CDK16: variants seen among roughly 807,000 people sequenced by gnomAD.
CDK16 encodes the protein cyclin dependent kinase 16.
Under a neutral mutation model 41.6 loss-of-function variants are expected in CDK16, and 2 were observed. The ratio of observed to expected loss-of-function variants is 0.05; its 90% CI spans 0.02 to 0.15. The LOEUF (loss-of-function observed/expected upper bound fraction) is 0.15. Among genes scored for constraint, CDK16 ranks in the 10% least tolerant of loss-of-function variants. CDK16 has a pLI of 1.00. For missense variants in CDK16, 228 were observed against 428.9 expected (o/e 0.53, Z 4.14); for synonymous variants, 169 against 169.7 (o/e 1.00, Z 0.03).
At chrX:47,228,214 A>G (rs1315384554) in intron 14 of CDK16, 4 of 164,200 alleles carry the variant, frequency 2.4e-5, no homozygotes, top group Non-Finnish European at 4.6e-5. Context: ...TTTTAAAACA[A>G]CAATATTATT....
Position 47,219,024 on chromosome X carries a change from C to A in CDK16, c.-88C>A. 1 of 849,579 alleles carries A rather than the reference C, an allele frequency of 1.2e-6. No homozygotes were observed. Among genetic ancestry groups the A allele is most frequent in the South Asian group, 3.6e-5 (1 of 28,046 alleles). 70.0% of individuals were successfully genotyped at this position (849,579 alleles called of 1,213,427 possible). A position where few individuals can be genotyped will look rare whatever the true frequency, so the allele number is the denominator to read the frequency against. ...GCGGCGAACAGGAGGAGAAGGAGGT[C>A]GCGCGGCCTCATCCCGGGCCGCCGC... On this transcript the variant is annotated 5_prime_UTR_variant, in exon 1 of 16. Transcript: ENST00000357227.
Position 47,227,427 on chromosome X carries a change from T to G in CDK16, c.1333T>G (p.Phe445Val). 8.3e-7 allele frequency: 1 copy of G among 1,210,466 alleles called. No homozygotes were observed. Among genetic ancestry groups the G allele is most frequent in the Non-Finnish European group, 1.1e-6 (1 of 894,533 alleles). ...CGCAGAGGATGCCATGAAACATCCATTCTTCCTCAGTCTGGGGGAGCGGAT... is the reference window on the plus strand; with the variant it reads ...CGCAGAGGATGCCATGAAACATCCAGTCTTCCTCAGTCTGGGGGAGCGGAT... ...ISAEDAMKHP[F>V]FLSLGERIHK... Residue 445 changes from phenylalanine (F) to valine (V), a missense_variant, in exon 14 of 16, where the codon TTC becomes GTC. Transcript: ENST00000357227.
chrX:47,222,423 A>G (rs1229050519), intron 1 of CDK16: 1 of 110,373 alleles, frequency 9.1e-6, no homozygotes, highest in East Asian at 2.8e-4. Context: ...TGCTGGGGGG[A>G]TAACTGGCAA....
At chrX:47,218,639 G>A (rs782777311), upstream of CDK16, 5 of 1,164,225 alleles carry the variant, frequency 4.3e-6, no homozygotes, top group African/African-American at 7.2e-5. Flanking sequence ...CGCTGCGGAC[G>A]GGTCCTTTGG....
chrX:47,218,519 T>C, upstream of CDK16: 1 of 993,298 alleles, frequency 1.0e-6, no homozygotes, highest in Non-Finnish European at 1.3e-6. Context: ...GCTAGCAAAC[T>C]TCTGCCAAGA....
intron 1 of CDK16, chrX:47,222,889 C>T: frequency 3.1e-6 from 1 of 322,568 alleles, no homozygotes; most frequent in Non-Finnish European, 5.0e-6. Flanking sequence ...ACACTGAGAC[C>T]CCCCCGCCCT....
At chrX:47,224,307 AAT>A (rs1465065778) in intron 2 of CDK16, 76 bp from the exon 3 acceptor site, 2 of 1,047,601 alleles carry the variant, frequency 1.9e-6, no homozygotes, top group African/African-American at 3.8e-5. Flanking sequence ...GTGATGATGG[AAT>A]ATGTTTCGTG....
intron 2 of CDK16, 65 bp downstream of exon 2, chrX:47,223,824 G>C (rs901783744): frequency 1.0e-6 from 1 of 985,037 alleles, no homozygotes; most frequent in African/African-American, 1.9e-5. Flanking sequence ...TTGCCTCCTG[G>C]TCACATTCCT....
At position 47,224,983 on chromosome X, in the gene CDK16, TC is replaced by T; in HGVS notation, c.520-3del. 8.3e-7 allele frequency: 1 copy of T among 1,204,849 alleles called. No homozygotes were observed. The highest frequency in any genetic ancestry group is 1.1e-6 in the Non-Finnish European group (1 of 891,018). On this transcript the variant is annotated splice_region_variant and splice_polypyrimidine_tract_variant and intron_variant, in intron 5 of 15. Transcript: ENST00000357227. ...CCTCTCCTGTCACACTTCCTCACATTCCAGGGTACCTATGCCACCGTCTACA... is the reference window on the plus strand; with the variant it reads ...CCTCTCCTGTCACACTTCCTCACATTCAGGGTACCTATGCCACCGTCTACA...
Position 47,218,807 on chromosome X carries a change from C to T in CDK16, c.-305C>T. The T allele has an allele frequency of 1.7e-6, 2 of 1,147,230 alleles. No individual in the cohort carries two copies. Among genetic ancestry groups the T allele is most frequent in the Non-Finnish European group, 2.3e-6 (2 of 867,387 alleles). The allele number at this position is 1,147,230 out of a possible 1,213,427, so 94.5% of individuals were successfully genotyped here. On this transcript the variant is annotated 5_prime_UTR_variant, in exon 1 of 16. Coordinates refer to ENST00000357227, the MANE Select transcript of CDK16 (RefSeq NM_006201.5). ...CGATCAGACCGCTCTGTGCCGCGAG[C>T]CGCCGTGAGCACTCGGATTCAAGCC...
chrX:47,226,713 G>A lies in CDK16; in HGVS notation c.1037+10G>A, dbSNP rs1247345609. Reference sequence around the variant, plus strand: ...CTCAGATTGACATGTGGTAAGGACAGGTGGAAGTGTGGCAGGGGCCATGTG... The same window carrying A: ...CTCAGATTGACATGTGGTAAGGACAAGTGGAAGTGTGGCAGGGGCCATGTG... On this transcript the variant is annotated intron_variant, in intron 10 of 15. Coordinates refer to ENST00000357227, the MANE Select transcript of CDK16 (RefSeq NM_006201.5). The A allele has an allele frequency of 1.7e-6, 2 of 1,204,916 alleles. No homozygotes were observed. Among genetic ancestry groups the A allele is most frequent in the South Asian group, 3.6e-5 (2 of 56,262 alleles).
chrX:47,224,766 C>T lies in CDK16; in HGVS notation c.462+23C>T, dbSNP rs749617674. ...CTAGTAAGCACCTTCTGTTCCCGTC[C>T]TCTCCTTTTTCTTCTCTCCCAGACC... On this transcript the variant is annotated intron_variant, in intron 4 of 15. Transcript: ENST00000357227. The T allele has an allele frequency of 2.4e-5, 29 of 1,209,597 alleles. No homozygotes were observed. In the South Asian group the frequency reaches 4.8e-4, roughly 20 times the overall value.
chrX:47,218,854 A>T lies in CDK16; in HGVS notation c.-258A>T, dbSNP rs1556796264. 8.9e-6 allele frequency: 10 copies of T among 1,121,513 alleles called. No individual in the cohort carries two copies. Among genetic ancestry groups the T allele is most frequent in the Non-Finnish European group, 1.2e-5 (10 of 855,649 alleles). The allele number at this position is 1,121,513 out of a possible 1,213,427, so 92.4% of individuals were successfully genotyped here. On this transcript the variant is annotated 5_prime_UTR_variant, in exon 1 of 16. Coordinates refer to ENST00000357227, the MANE Select transcript of CDK16 (RefSeq NM_006201.5). ...AGCCGGCGCCAACGAGTCCGGGGGC[A>T]TCGCCCGCAGCGGCCAAGCTCATGG...
At chrX:47,218,669 G>A (rs782180619), upstream of CDK16, 41 of 1,168,010 alleles carry the variant, frequency 3.5e-5, no homozygotes, top group Non-Finnish European at 4.7e-5. Flanking sequence ...TCCGAGGTGA[G>A]TCCCCTCCTT....
intron 3 of CDK16, 30 bp from the exon 4 acceptor site, chrX:47,224,588 A>G: frequency 8.3e-7 from 1 of 1,210,680 alleles, no homozygotes; most frequent in Non-Finnish European, 1.1e-6. Flanking sequence ...GGAGCTCATG[A>G]TCCTGTTTCT....
Position 47,223,631 on chromosome X carries a change from A to G in CDK16, c.74A>G (p.Asn25Ser), listed in dbSNP as rs777629546. The change falls in exon 2 of 16, where the codon AAT becomes AGT. Residue 25 changes from asparagine (N) to serine (S), a missense_variant. Physicochemically the swap from Asn to Ser is conservative, Grantham distance 46. This residue lies in a region of CDK16 where 71 missense variants were observed against 102.2 expected (regional missense o/e 0.69). Transcript: ENST00000357227. ...LRGGRGIDKT[N>S]GAPEQIGLDE... ...GGTGGCCGAGGCATAGACAAGACCA[A>G]TGGTGCCCCTGAGCAGATAGGCCTG... 5.0e-6 allele frequency: 6 copies of G among 1,209,493 alleles called. No individual in the cohort carries two copies. The Admixed American group carries it at 8.7e-5, about 18-fold the overall frequency.
intron 1 of CDK16, chrX:47,223,346 G>A: frequency 8.9e-7 from 1 of 1,128,155 alleles, no homozygotes; most frequent in Non-Finnish European, 1.2e-6. Context: ...CAGTGGGGCT[G>A]GCTGTGTGGG....
chrX:47,224,236 G>C, intron 2 of CDK16, 149 bp from the exon 3 acceptor site: 5 of 579,882 alleles, frequency 8.6e-6, no homozygotes, highest in Non-Finnish European at 1.0e-5. Context: ...CCTGGGCTCA[G>C]GTACATCACC....
upstream of CDK16, chrX:47,218,674 CT>C (rs1937179335): frequency 8.6e-7 from 1 of 1,167,668 alleles, no homozygotes. Context: ...GGTGAGTCCC[CT>C]CCTTTCCACT....
Sources: allele counts gnomAD v4.1 joint callset, GRCh38; gene constraint gnomAD v4.1.1; regional missense constraint gnomAD v4.1.1; transcripts MANE v1.5; gene names NCBI Gene and HGNC (gene_info 2026-07-23, HGNC 2026-07-21).